Variants in PTPRG observed in about 807,000 individuals in gnomAD.
PTPRG encodes receptor-type tyrosine-protein phosphatase gamma.
A neutral mutation model predicts 165.3 loss-of-function variants in PTPRG; 102 were observed. That is an observed-to-expected ratio of 0.62 (90% CI 0.53 to 0.73). The LOEUF (loss-of-function observed/expected upper bound fraction) is 0.73. Ranked by LOEUF, PTPRG falls within the 30% of genes least tolerant of loss-of-function variation. The pLI is 0.00. For missense variants in PTPRG, 1,866 were observed against 1,861.4 expected (o/e 1.00, Z -0.05); for synonymous variants, 675 against 669.5 (o/e 1.01, Z -0.13).
chr3:62,182,446 G>GT (rs1705693868), intron 8 of PTPRG, among the ~76,000 whole-genome samples: 1 of 152,144 alleles, frequency 6.6e-6, no homozygotes, highest in Non-Finnish European at 1.5e-5. Flanking sequence ...TGCTATCTAA[G>GT]TTCACAAACT....
At chr3:61,927,725 G>T (rs76678713) in intron 2 of PTPRG, among the ~76,000 whole-genome samples, 2,567 of 152,264 alleles carry the variant, frequency 0.017, 37 homozygotes, top group South Asian at 0.075. Flanking sequence ...GCTCACTACA[G>T]GATGTTGCTG....
chr3:61,772,757 C>G (rs1453139993), intron 2 of PTPRG, among the ~76,000 whole-genome samples: 2 of 152,130 alleles, frequency 1.3e-5, no homozygotes, highest in Non-Finnish European at 2.9e-5. Context: ...TTGTATCAAG[C>G]TTTTTCACAC....
At chr3:61,785,550 T>C (rs1197237309) in intron 2 of PTPRG, among the ~76,000 whole-genome samples, 1 of 152,200 alleles carries the variant, frequency 6.6e-6, no homozygotes, top group African/African-American at 2.4e-5. Context: ...ATTAGCTTTA[T>C]ATTTTGCATC....
chr3:61,850,166 T>C (rs1575720600), intron 2 of PTPRG, among the ~76,000 whole-genome samples: 1 of 152,152 alleles, frequency 6.6e-6, no homozygotes, highest in African/African-American at 2.4e-5. Context: ...TTATTTATTT[T>C]TATTTTTTAT....
chr3:61,837,548 C>T (rs980890057), intron 2 of PTPRG, among the ~76,000 whole-genome samples: 2 of 152,084 alleles, frequency 1.3e-5, no homozygotes, highest in East Asian at 1.9e-4. Context: ...CTGAATAGTA[C>T]GTCATAGACA....
chr3:61,790,942 G>C (rs1439368422), intron 2 of PTPRG, among the ~76,000 whole-genome samples: 1 of 152,070 alleles, frequency 6.6e-6, no homozygotes, highest in Admixed American at 6.6e-5. Flanking sequence ...TTGATCTGTT[G>C]TATGTTAGCA....
intron 1 of PTPRG, among the ~76,000 whole-genome samples, chr3:61,594,674 C>T (rs1700651709): frequency 1.3e-5 from 2 of 152,134 alleles, no homozygotes. Flanking sequence ...GTGCCAGGTC[C>T]TTTGTTTGAA....
intron 2 of PTPRG, among the ~76,000 whole-genome samples, chr3:61,948,051 G>C (rs1050513060): frequency 1.3e-5 from 2 of 152,098 alleles, no homozygotes; most frequent in Admixed American, 6.5e-5. Flanking sequence ...AAGGCCAGGC[G>C]CAGTGGCTCA....
Position 62,026,505 on chromosome 3 carries a change from A to G in PTPRG, c.519+23008A>G, listed in dbSNP as rs139191395. ...GATTTGAACCCAGACACGTGTGCCCAGGTTTGAATGCTGGGCCCTGTACTG... is the reference window on the plus strand; with the variant it reads ...GATTTGAACCCAGACACGTGTGCCCGGGTTTGAATGCTGGGCCCTGTACTG... On this transcript the variant is annotated intron_variant, in intron 4 of 29. Coordinates refer to ENST00000474889, the MANE Select transcript of PTPRG (RefSeq NM_002841.4). Among the ~76,000 whole-genome samples the G allele has an allele frequency of 1.6e-3, 238 of 152,294 alleles. 1 individual carries two copies. Among genetic ancestry groups the G allele is most frequent in the South Asian group, 3.1e-3 (15 of 4,824 alleles).
chr3:61,739,106 T>C (rs1436787166), intron 1 of PTPRG: 1 of 141,814 alleles, frequency 7.1e-6, no homozygotes, highest in Non-Finnish European at 1.5e-5. Flanking sequence ...ACTTGGCCTA[T>C]TTGAAAAAAA....
At chr3:61,907,145 T>C (rs557921081) in intron 2 of PTPRG, among the ~76,000 whole-genome samples, 16 of 142,140 alleles carry the variant, frequency 1.1e-4, no homozygotes, top group East Asian at 3.9e-4. Context: ...CCCCCACCCC[T>C]TTTTTTTTTA....
chr3:62,148,547 G>T (rs1367394778), intron 6 of PTPRG, among the ~76,000 whole-genome samples: 4 of 152,038 alleles, frequency 2.6e-5, no homozygotes, highest in Non-Finnish European at 5.9e-5. Context: ...ATTGCCTGAG[G>T]TGACTCAGGA....
intron 1 of PTPRG, among the ~76,000 whole-genome samples, chr3:61,599,788 C>T (rs1395327972): frequency 6.6e-6 from 1 of 152,100 alleles, no homozygotes; most frequent in Non-Finnish European, 1.5e-5. Context: ...ACCACCGCAC[C>T]TGGCTGATCC....
At chr3:62,153,599 G>C (rs908985602) in intron 6 of PTPRG, among the ~76,000 whole-genome samples, 1 of 152,032 alleles carries the variant, frequency 6.6e-6, no homozygotes, top group African/African-American at 2.4e-5. Context: ...ATTAAAGAAA[G>C]TACATGACAG....
intron 4 of PTPRG, among the ~76,000 whole-genome samples, chr3:62,030,871 C>G (rs1207010817): frequency 6.6e-6 from 1 of 152,014 alleles, no homozygotes; most frequent in African/African-American, 2.4e-5. Flanking sequence ...TTAGACTGAC[C>G]CCCCACTGCC....
At chr3:61,653,687 G>A (rs910795125) in intron 1 of PTPRG, among the ~76,000 whole-genome samples, 1 of 152,092 alleles carries the variant, frequency 6.6e-6, no homozygotes, top group African/African-American at 2.4e-5. Context: ...TCTCAGATGT[G>A]TTGTCCCCTG....
intron 2 of PTPRG, among the ~76,000 whole-genome samples, chr3:61,978,936 A>G (rs1319891705): frequency 1.3e-5 from 2 of 152,188 alleles, no homozygotes; most frequent in Non-Finnish European, 2.9e-5. Flanking sequence ...GATCTTACAC[A>G]TACTACACGA....
At chr3:61,741,173 A>G (rs145860690) in intron 1 of PTPRG, among the ~76,000 whole-genome samples, 196 of 152,364 alleles carry the variant, frequency 1.3e-3, no homozygotes, top group African/African-American at 4.3e-3. Context: ...ATTGTGCTCA[A>G]TGGAGATTTC....
chr3:61,599,714 G>A (rs998678217), intron 1 of PTPRG, among the ~76,000 whole-genome samples: 1 of 151,126 alleles, frequency 6.6e-6, no homozygotes, highest in Admixed American at 6.6e-5. Flanking sequence ...GGCTGGTCTT[G>A]AACTCCTGGA....
Sources: allele counts gnomAD v4.1 joint callset (sites outside exome capture counted in the v4.1 genomes callset), GRCh38; gene constraint gnomAD v4.1.1; transcripts MANE v1.5; gene names NCBI Gene and HGNC (gene_info 2026-07-23, HGNC 2026-07-21).